ADGRL3: variants seen among roughly 807,000 people sequenced by gnomAD.
The protein encoded by ADGRL3 is calcium-independent alpha-latrotoxin receptor 3.
ADGRL3 carries 62 observed loss-of-function variants against 153.5 expected under a neutral mutation model. The observed-to-expected ratio is 0.40, with a 90% CI of 0.33 to 0.50. ADGRL3 has a LOEUF of 0.50. Among genes scored for constraint, ADGRL3 ranks in the 20% least tolerant of loss-of-function variants. The probability of loss-of-function intolerance (pLI) is 0.47; values close to 1 mark genes in which losing one functional copy is unlikely to be tolerated. For synonymous variants in ADGRL3, 710 were observed against 672.5 expected (o/e 1.06, Z -0.86); for missense variants, 1,641 against 1,859.4 (o/e 0.88, Z 2.16).
At chr4:61,425,991 T>C (rs2097275057) in intron 2 of ADGRL3, among the ~76,000 whole-genome samples, 1 of 152,084 alleles carries the variant, frequency 6.6e-6, no homozygotes, top group Admixed American at 6.5e-5. Flanking sequence ...TATCTGTAAC[T>C]GAATGGAGGC....
At chr4:61,479,529 C>G (rs2098109169) in intron 2 of ADGRL3, among the ~76,000 whole-genome samples, 1 of 152,004 alleles carries the variant, frequency 6.6e-6, no homozygotes, top group Admixed American at 6.6e-5. Flanking sequence ...GTATGAAAGC[C>G]TTTAAATTGT....
At chr4:61,391,923 G>A (rs1487424889) in intron 2 of ADGRL3, among the ~76,000 whole-genome samples, 5 of 144,280 alleles carry the variant, frequency 3.5e-5, no homozygotes, top group Non-Finnish European at 4.5e-5. Context: ...GCAGTGGCGC[G>A]AGCTCGCCTC....
intron 5 of ADGRL3, among the ~76,000 whole-genome samples, chr4:61,646,423 C>G (rs1295742067): frequency 6.6e-6 from 1 of 151,796 alleles, no homozygotes; most frequent in Non-Finnish European, 1.5e-5. Context: ...GTTTTATCTA[C>G]TTTTGGTCTT....
rs1365457073 is a variant in ADGRL3, at chr4:61,372,488, A to C, written c.-239-10636A>C. Among the ~76,000 whole-genome samples, 23 of 152,138 alleles carry C rather than the reference A, an allele frequency of 1.5e-4. 1 individual carries two copies. The highest frequency in any genetic ancestry group is 4.8e-4 in the African/African-American group (20 of 41,538). On this transcript the variant is annotated intron_variant, in intron 1 of 26. Transcript: ENST00000683033. ...CTGCAGGTCTGTTGGAGTACCCTGCAGTGTGAGGTGTCAGTGTGCCCCTGC... is the reference window on the plus strand; with the variant it reads ...CTGCAGGTCTGTTGGAGTACCCTGCCGTGTGAGGTGTCAGTGTGCCCCTGC...
intron 8 of ADGRL3, among the ~76,000 whole-genome samples, chr4:61,778,875 T>C (rs1307588660): frequency 4.6e-5 from 7 of 152,224 alleles, no homozygotes; most frequent in Non-Finnish European, 8.8e-5. Context: ...CTGGCCAACA[T>C]GGCGAAACGC....
At chr4:61,781,496 T>C (rs1376218015) in intron 8 of ADGRL3, among the ~76,000 whole-genome samples, 1 of 152,184 alleles carries the variant, frequency 6.6e-6, no homozygotes, top group Non-Finnish European at 1.5e-5. Flanking sequence ...ATATTTGGCT[T>C]AGTGAGTTAG....
intron 21 of ADGRL3, among the ~76,000 whole-genome samples, chr4:62,010,985 G>T (rs1034514518): frequency 6.6e-6 from 1 of 151,994 alleles, no homozygotes; most frequent in African/African-American, 2.4e-5. Flanking sequence ...TTGTAAAATT[G>T]AATCTCATGC....
chr4:61,426,438 A>G (rs2097281723), intron 2 of ADGRL3, among the ~76,000 whole-genome samples: 1 of 119,392 alleles, frequency 8.4e-6, no homozygotes, highest in Admixed American at 8.2e-5. Context: ...GCCATGCCCC[A>G]TCGGGAATGG....
At chr4:61,951,028 G>A (rs1323555472) in intron 17 of ADGRL3, among the ~76,000 whole-genome samples, 2 of 152,114 alleles carry the variant, frequency 1.3e-5, no homozygotes, top group Non-Finnish European at 2.9e-5. Flanking sequence ...TAGAACTGTG[G>A]CCATGAAGGG....
chr4:61,651,080 A>T (rs532457589), intron 5 of ADGRL3, among the ~76,000 whole-genome samples: 1 of 152,166 alleles, frequency 6.6e-6, no homozygotes, highest in Non-Finnish European at 1.5e-5. Flanking sequence ...GGGCAAAATT[A>T]AATATTTTTC....
chr4:61,737,276 G>A (rs2096530000), intron 8 of ADGRL3, among the ~76,000 whole-genome samples: 1 of 152,050 alleles, frequency 6.6e-6, no homozygotes, highest in Non-Finnish European at 1.5e-5. Context: ...GATTTTAACT[G>A]TATTCCAATC....
At chr4:61,565,254 T>C (rs2098811793) in intron 4 of ADGRL3, among the ~76,000 whole-genome samples, 1 of 152,182 alleles carries the variant, frequency 6.6e-6, no homozygotes, top group Non-Finnish European at 1.5e-5. Flanking sequence ...ATAATGTTTG[T>C]TCTTTTCATA....
intron 13 of ADGRL3, among the ~76,000 whole-genome samples, chr4:61,925,545 C>T (rs559458985): frequency 6.6e-6 from 1 of 152,226 alleles, no homozygotes; most frequent in Non-Finnish European, 1.5e-5. Flanking sequence ...CTGGCATCTG[C>T]TTAGCTTCTG....
intron 4 of ADGRL3, among the ~76,000 whole-genome samples, chr4:61,523,396 CCTT>C (rs1410427880): frequency 6.6e-6 from 1 of 152,042 alleles, no homozygotes; most frequent in African/African-American, 2.4e-5. Context: ...GTGTTAGCTG[CCTT>C]CTTCTATATG....
At chr4:61,472,848 G>C (rs1452805077) in intron 2 of ADGRL3, among the ~76,000 whole-genome samples, 2 of 152,052 alleles carry the variant, frequency 1.3e-5, no homozygotes, top group East Asian at 3.9e-4. Flanking sequence ...TTTGGGGGTT[G>C]TAGCTTTCTC....
intron 19 of ADGRL3, among the ~76,000 whole-genome samples, chr4:61,985,365 G>C (rs1247045993): frequency 6.6e-6 from 1 of 151,932 alleles, no homozygotes; most frequent in African/African-American, 2.4e-5. Context: ...TCAAGTAAAA[G>C]ATGCTGATTT....
At chr4:61,981,259 C>T (rs1168264780) in intron 18 of ADGRL3, among the ~76,000 whole-genome samples, 1 of 151,232 alleles carries the variant, frequency 6.6e-6, no homozygotes, top group Non-Finnish European at 1.5e-5. Flanking sequence ...TCTTTTTTTT[C>T]CAATTAATAG....
intron 11 of ADGRL3, among the ~76,000 whole-genome samples, chr4:61,907,950 G>A (rs1027635807): frequency 5.3e-5 from 8 of 152,114 alleles, no homozygotes; most frequent in Admixed American, 3.3e-4. Flanking sequence ...ACTCAAAATG[G>A]AGTTACTGTG....
rs534837305 is a variant in ADGRL3 at position 61,720,904 on chromosome 4, C to G, written c.584-9718C>G. 2.0e-5 allele frequency among the ~76,000 whole-genome samples: 3 copies of G among 152,264 alleles called. 1 individual carries two copies. The South Asian group carries it at 6.2e-4, about 32-fold the overall frequency. ...TAGTGCAGGCTTCGAAGTTCAAACA[C>G]CAGCTCTACCGATTACTAGTTATAT... is the stretch of plus-strand genomic sequence containing the variant. On this transcript the variant is annotated intron_variant, in intron 6 of 26. Transcript: ENST00000683033.
Sources: allele counts gnomAD v4.1 joint callset (sites outside exome capture counted in the v4.1 genomes callset), GRCh38; gene constraint gnomAD v4.1.1; transcripts MANE v1.5; gene names NCBI Gene and HGNC (gene_info 2026-07-23, HGNC 2026-07-21).